Variants in PARD3B observed in about 807,000 individuals in gnomAD.
PARD3B encodes the protein par-3 family cell polarity regulator beta.
PARD3B carries 103 observed loss-of-function variants against 130.2 expected under a neutral mutation model. That is an observed-to-expected ratio of 0.79 (90% CI 0.67 to 0.93). PARD3B has a LOEUF of 0.93. PARD3B is among the 40% of genes least tolerant of loss of function. The probability of loss-of-function intolerance (pLI) is 0.00; values close to 1 mark genes in which losing one functional copy is unlikely to be tolerated. For synonymous variants in PARD3B, 583 were observed against 553.2 expected (o/e 1.05, Z -0.76); for missense variants, 1,609 against 1,499.2 (o/e 1.07, Z -1.21).
chr2:204,917,954 G>A (rs938356879), intron 2 of PARD3B, among the ~76,000 whole-genome samples: 1 of 152,068 alleles, frequency 6.6e-6, no homozygotes, highest in Non-Finnish European at 1.5e-5. Flanking sequence ...ATAGTGACAG[G>A]TTTTTTCTTA....
At chr2:204,583,421 A>G (rs1261322832) in intron 1 of PARD3B, among the ~76,000 whole-genome samples, 1 of 114,984 alleles carries the variant, frequency 8.7e-6, no homozygotes, top group Non-Finnish European at 1.8e-5. Flanking sequence ...TGGGAATTGA[A>G]CAATGAGATC....
chr2:204,861,723 T>C (rs2045210980), intron 2 of PARD3B, among the ~76,000 whole-genome samples: 1 of 151,956 alleles, frequency 6.6e-6, no homozygotes, highest in South Asian at 2.1e-4. Flanking sequence ...TCTCAGTCTG[T>C]AGAAGACTAG....
chr2:205,118,019 A>G (rs2030098106), intron 6 of PARD3B, among the ~76,000 whole-genome samples: 1 of 152,072 alleles, frequency 6.6e-6, no homozygotes, highest in South Asian at 2.1e-4. Flanking sequence ...ATTCTAAGCT[A>G]CAGCCACAAA....
chr2:205,093,731 A>G (rs1025718767), intron 4 of PARD3B, among the ~76,000 whole-genome samples: 1 of 152,166 alleles, frequency 6.6e-6, no homozygotes, highest in Non-Finnish European at 1.5e-5. Flanking sequence ...TTTTAATGGG[A>G]CAGTGCATCC....
In PARD3B at chr2:205,415,133, T is replaced by C. The variant is rs2046731151; in HGVS notation, c.2741+14010T>C. Among the ~76,000 whole-genome samples, 4 of 152,162 alleles carry C rather than the reference T, an allele frequency of 2.6e-5. No homozygotes were observed. In the South Asian group the frequency reaches 8.3e-4, roughly 31 times the overall value. On this transcript the variant is annotated intron_variant, in intron 19 of 22. Transcript: ENST00000406610. The stretch of plus-strand genomic sequence containing the variant: ...AAAATCTGCAATGACCATTAAATAT[T>C]CCACTTTGGAAAAACAAGATCATAG...
intron 2 of PARD3B, among the ~76,000 whole-genome samples, chr2:204,733,526 C>A (rs2039615227): frequency 7.2e-6 from 1 of 138,178 alleles, no homozygotes. Flanking sequence ...TTGATAGAAT[C>A]AGGTATAAGC....
At chr2:204,751,037 T>C (rs1273951913) in intron 2 of PARD3B, among the ~76,000 whole-genome samples, 1 of 152,198 alleles carries the variant, frequency 6.6e-6, no homozygotes, top group Non-Finnish European at 1.5e-5. Flanking sequence ...AAAGTTAATA[T>C]TCATTTCTTT....
chr2:204,809,834 C>T (rs1317901421), intron 2 of PARD3B, among the ~76,000 whole-genome samples: 1 of 152,000 alleles, frequency 6.6e-6, no homozygotes. Flanking sequence ...GCTTTGGGCA[C>T]TATGGCCATT....
intron 2 of PARD3B, among the ~76,000 whole-genome samples, chr2:204,754,943 A>T (rs2040602949): frequency 6.6e-6 from 1 of 152,154 alleles, no homozygotes; most frequent in African/African-American, 2.4e-5. Flanking sequence ...TTACATTTTG[A>T]AAACCGAGTT....
intron 2 of PARD3B, among the ~76,000 whole-genome samples, chr2:204,704,334 A>G (rs910670982): frequency 2.6e-5 from 4 of 152,212 alleles, no homozygotes; most frequent in Non-Finnish European, 5.9e-5. Context: ...TTGAAACTGT[A>G]GCTCTTGTTA....
chr2:205,025,619 G>C (rs186290297), intron 3 of PARD3B, among the ~76,000 whole-genome samples: 2 of 152,146 alleles, frequency 1.3e-5, no homozygotes, highest in African/African-American at 4.8e-5. Context: ...GCTCTCACTT[G>C]AGAATCAGCA....
chr2:205,579,534 T>C (rs1410316608), intron 22 of PARD3B, among the ~76,000 whole-genome samples: 3 of 152,126 alleles, frequency 2.0e-5, no homozygotes, highest in Non-Finnish European at 4.4e-5. Flanking sequence ...TGGGTGACAG[T>C]TTTAATTTCA....
At chr2:204,937,347 C>T (rs1432535934) in intron 2 of PARD3B, among the ~76,000 whole-genome samples, 1 of 152,142 alleles carries the variant, frequency 6.6e-6, no homozygotes, top group East Asian at 1.9e-4. Context: ...TCTGGGGATC[C>T]TTGACTGGTA....
chr2:204,980,445 TCACCTTGAGTA>T (rs1692563342), intron 3 of PARD3B, among the ~76,000 whole-genome samples: 1 of 152,190 alleles, frequency 6.6e-6, no homozygotes, highest in African/African-American at 2.4e-5. Flanking sequence ...GATAGTACTT[TCACCTTGAGTA>T]TGGGATGAAC....
At chr2:205,581,948 G>A (rs1053689044) in intron 22 of PARD3B, among the ~76,000 whole-genome samples, 3 of 152,104 alleles carry the variant, frequency 2.0e-5, no homozygotes, top group African/African-American at 7.2e-5. Context: ...GTTCCCAGAT[G>A]GGGAGCCTGG....
intron 15 of PARD3B, among the ~76,000 whole-genome samples, chr2:205,198,740 C>T (rs1285391277): frequency 6.6e-6 from 1 of 151,928 alleles, no homozygotes; most frequent in Non-Finnish European, 1.5e-5. Context: ...AGATTATATT[C>T]ATATAGTGAG....
At chr2:205,523,921 ACTT>A (rs1035985544) in intron 21 of PARD3B, among the ~76,000 whole-genome samples, 5 of 150,922 alleles carry the variant, frequency 3.3e-5, no homozygotes, top group African/African-American at 1.2e-4. Flanking sequence ...AAATCTAAAT[ACTT>A]CTTATAAGGA....
At chr2:204,985,485 T>C (rs966216584) in intron 3 of PARD3B, among the ~76,000 whole-genome samples, 4 of 152,168 alleles carry the variant, frequency 2.6e-5, no homozygotes, top group African/African-American at 9.7e-5. Context: ...CTAACACTTT[T>C]CTGGAAAAAC....
chr2:205,241,283 CTTGAA>C lies in PARD3B; in HGVS notation c.2141-4488_2141-4484del, dbSNP rs1189345870. 6.6e-6 allele frequency among the ~76,000 whole-genome samples: 1 copy of C among 152,116 alleles called. No individual in the cohort carries two copies. The highest frequency in any genetic ancestry group is 2.1e-4 in the South Asian group (1 of 4,834). ...ATTAGGTAAAATAATGTACATCAAT[CTTGAA>C]TTGAATATGAGGAAGCATGAGGTTA... is the stretch of plus-strand genomic sequence containing the variant. On this transcript the variant is annotated intron_variant, in intron 15 of 22. Transcript: ENST00000406610. The surrounding 1 kb of genome is among the most constrained non-coding windows in gnomAD (Gnocchi z 4.2).
Sources: allele counts gnomAD v4.1 joint callset (sites outside exome capture counted in the v4.1 genomes callset), GRCh38; gene constraint gnomAD v4.1.1; non-coding constraint Gnocchi (gnomAD v3.1); transcripts MANE v1.5; gene names NCBI Gene and HGNC (gene_info 2026-07-23, HGNC 2026-07-21).